The following ST8SIA2 variants were observed in gnomAD, a reference collection of about 807,000 sequenced individuals.
The protein encoded by ST8SIA2 is ST8 alpha-N-acetyl-neuraminide alpha-2,8-sialyltransferase 2, also known as alpha-2,8-sialyltransferase 8B.
In ST8SIA2, 22 loss-of-function variants were observed where a neutral mutation model predicts 37.6. That is an observed-to-expected ratio of 0.58 (90% confidence interval 0.42 to 0.83). The LOEUF (loss-of-function observed/expected upper bound fraction) is 0.83. Among genes scored for constraint, ST8SIA2 ranks in the 40% least tolerant of loss-of-function variants. ST8SIA2 has a pLI of 0.00. For missense variants in ST8SIA2, 382 were observed against 484.7 expected, an observed-to-expected ratio of 0.79 and a Z score of 1.99; for synonymous variants, 205 against 201.2, an observed-to-expected ratio of 1.02 and a Z score of -0.16.
chr15:92,441,776 G>A (rs1455780), intron 4 of ST8SIA2, among the ~76,000 whole-genome samples: 91,284 of 152,066 alleles, frequency 0.6, 28,646 homozygotes, highest in African/African-American at 0.78. Context: ...AATTATCACA[G>A]CTATTCTGTA....
At chr15:92,452,012 C>T (rs949904558) in intron 5 of ST8SIA2, among the ~76,000 whole-genome samples, 7 of 152,108 alleles carry the variant, frequency 4.6e-5, no homozygotes, top group African/African-American at 1.7e-4. Flanking sequence ...CAAGTAAGAA[C>T]CAAAGGGCTA....
At chr15:92,432,571 G>A (rs577005033) in intron 2 of ST8SIA2, among the ~76,000 whole-genome samples, 46 of 152,264 alleles carry the variant, frequency 3.0e-4, no homozygotes, top group South Asian at 1.9e-3. Context: ...TACCCAATGC[G>A]TCTTGCATGA....
chr15:92,434,173 A>C (rs2049737525), intron 2 of ST8SIA2, 74 bp from the exon 3 acceptor site: 2 of 1,605,922 alleles, frequency 1.2e-6, no homozygotes, highest in Non-Finnish European at 1.7e-6. Context: ...CCCGTGCAAA[A>C]ACAAAACTAT....
intron 1 of ST8SIA2, among the ~76,000 whole-genome samples, chr15:92,421,734 A>T (rs1000217431): frequency 6.6e-6 from 1 of 152,218 alleles, no homozygotes; most frequent in African/African-American, 2.4e-5. Context: ...TTAAAGGTAG[A>T]AGGTAAGTTC....
At chr15:92,411,846 A>C (rs2141811189) in intron 1 of ST8SIA2, among the ~76,000 whole-genome samples, 1 of 152,090 alleles carries the variant, frequency 6.6e-6, no homozygotes, top group Non-Finnish European at 1.5e-5. Flanking sequence ...TGTAGATAAA[A>C]TCTCTAAAGT....
At chr15:92,424,155 C>T (rs1204642919) in intron 1 of ST8SIA2, among the ~76,000 whole-genome samples, 1 of 152,234 alleles carries the variant, frequency 6.6e-6, no homozygotes, top group Non-Finnish European at 1.5e-5. Context: ...CAAGACTAAT[C>T]ACCTGTTTAA....
At chr15:92,457,278 T>G (rs953619299) in intron 5 of ST8SIA2, among the ~76,000 whole-genome samples, 2 of 152,214 alleles carry the variant, frequency 1.3e-5, no homozygotes, top group Non-Finnish European at 2.9e-5. Context: ...GGAAGCCCTT[T>G]TGGTCCCCTT....
At chr15:92,438,979 A>G (rs1304913405) in intron 4 of ST8SIA2, among the ~76,000 whole-genome samples, 2 of 152,220 alleles carry the variant, frequency 1.3e-5, no homozygotes, top group Non-Finnish European at 1.5e-5. Flanking sequence ...CCGTTTTCAT[A>G]TCATTGATGG....
At chr15:92,448,514 A>C (rs2049858529) in intron 5 of ST8SIA2, among the ~76,000 whole-genome samples, 1 of 152,258 alleles carries the variant, frequency 6.6e-6, no homozygotes, top group Non-Finnish European at 1.5e-5. Flanking sequence ...GTGGCCTAGC[A>C]TCAAAACCAT....
chr15:92,464,633 T>C lies in ST8SIA2; in HGVS notation c.*248T>C. 2 of 539,134 alleles carry C rather than the reference T, an allele frequency of 3.7e-6. No individual in the cohort carries two copies. Among genetic ancestry groups the C allele is most frequent in the South Asian group, 2.2e-5 (1 of 45,492 alleles). 33.4% of individuals were successfully genotyped at this position (539,134 alleles called of 1,614,324 possible). A position where few individuals can be genotyped will look rare whatever the true frequency, so the allele number is the denominator to read the frequency against. Reference sequence around the variant, plus strand: ...AGGAAGAAGGTGTGGAGAACCCACCTGAACCAGATTGAGACTCAATCCATC... The same window carrying C: ...AGGAAGAAGGTGTGGAGAACCCACCCGAACCAGATTGAGACTCAATCCATC... On this transcript the variant is annotated 3_prime_UTR_variant, in exon 6 of 6. Coordinates refer to ENST00000268164, the MANE Select transcript of ST8SIA2 (RefSeq NM_006011.4).
chr15:92,410,789 C>T (rs1001411039), intron 1 of ST8SIA2, among the ~76,000 whole-genome samples: 3 of 152,102 alleles, frequency 2.0e-5, no homozygotes, highest in Admixed American at 6.5e-5. Flanking sequence ...TGATTCCTAC[C>T]GTAGGAGCTC....
chr15:92,439,032 TA>T (rs1303360504), intron 4 of ST8SIA2, among the ~76,000 whole-genome samples: 1 of 152,162 alleles, frequency 6.6e-6, no homozygotes, highest in Admixed American at 6.5e-5. Context: ...TGGGCACGGT[TA>T]AATCATTGGG....
At chr15:92,445,003 C>T (rs1235956210) in intron 5 of ST8SIA2, 74 bp downstream of exon 5, 8 of 1,589,758 alleles carry the variant, frequency 5.0e-6, no homozygotes, top group Non-Finnish European at 6.8e-6. Flanking sequence ...TATCCCTTTC[C>T]CAGGTGCATT....
intron 1 of ST8SIA2, 129 bp downstream of exon 1, chr15:92,394,291 G>T: frequency 1.1e-6 from 1 of 886,756 alleles, no homozygotes; most frequent in South Asian, 1.5e-5. Context: ...AGATGGGGAC[G>T]GTTTGGCAGA....
intron 1 of ST8SIA2, among the ~76,000 whole-genome samples, chr15:92,416,652 C>A (rs2049589323): frequency 6.6e-6 from 1 of 152,144 alleles, no homozygotes; most frequent in African/African-American, 2.4e-5. Context: ...TGGACCCGCT[C>A]CAGGAGACAT....
chr15:92,451,683 C>T (rs2049882791), intron 5 of ST8SIA2, among the ~76,000 whole-genome samples: 1 of 152,174 alleles, frequency 6.6e-6, no homozygotes, highest in African/African-American at 2.4e-5. Flanking sequence ...CTGAGGGGCA[C>T]ATACTACCAT....
At chr15:92,461,157 C>T (rs1293341993) in intron 5 of ST8SIA2, among the ~76,000 whole-genome samples, 1 of 152,034 alleles carries the variant, frequency 6.6e-6, no homozygotes, top group African/African-American at 2.4e-5. Flanking sequence ...CTAAAAATTC[C>T]AAGGCATCTT....
intron 1 of ST8SIA2, among the ~76,000 whole-genome samples, chr15:92,414,504 G>T (rs558832327): frequency 6.6e-6 from 1 of 152,160 alleles, no homozygotes; most frequent in South Asian, 2.1e-4. Context: ...TTCAAATCCC[G>T]CCTAGAGCTC....
chr15:92,453,697 A>G (rs2049899372), intron 5 of ST8SIA2, among the ~76,000 whole-genome samples: 2 of 152,254 alleles, frequency 1.3e-5, no homozygotes, highest in Non-Finnish European at 2.9e-5. Context: ...CCACAGTGGC[A>G]GAGAAATTTG....
Sources: allele counts gnomAD v4.1 joint callset (sites outside exome capture counted in the v4.1 genomes callset), GRCh38; gene constraint gnomAD v4.1.1; transcripts MANE v1.5; gene names NCBI Gene and HGNC (gene_info 2026-07-23, HGNC 2026-07-21).